The following LSAMP variants were observed in gnomAD, a reference collection of about 807,000 sequenced individuals.
The protein encoded by LSAMP is limbic system associated membrane protein.
LSAMP carries 7 observed loss-of-function variants against 38.6 expected under a neutral mutation model. The ratio of observed to expected loss-of-function variants is 0.18; its 90% CI spans 0.10 to 0.34. The LOEUF is 0.34. Ranked by LOEUF, LSAMP falls within the 10% of genes least tolerant of loss-of-function variation. LSAMP has a pLI of 1.00. For synonymous variants in LSAMP, 154 were observed against 166.8 expected, an observed-to-expected ratio of 0.92 and a Z score of 0.59; for missense variants, 313 against 420.0, an observed-to-expected ratio of 0.75 and a Z score of 2.23.
chr3:116,204,171 ATG>A (rs2046031086), intron 1 of LSAMP, among the ~76,000 whole-genome samples: 1 of 151,704 alleles, frequency 6.6e-6, no homozygotes, highest in Non-Finnish European at 1.5e-5. Context: ...GCATTTTTTC[ATG>A]TGTTTTTTGG....
chr3:116,058,031 A>C (rs1490012808), intron 2 of LSAMP, among the ~76,000 whole-genome samples: 1 of 152,004 alleles, frequency 6.6e-6, no homozygotes, highest in Non-Finnish European at 1.5e-5. Context: ...AGCATGGTAC[A>C]GTGGAAAGAA....
At chr3:116,354,286 A>G (rs1279867360) in intron 1 of LSAMP, among the ~76,000 whole-genome samples, 2 of 152,092 alleles carry the variant, frequency 1.3e-5, no homozygotes, top group African/African-American at 4.8e-5. Flanking sequence ...CCAAGGTCAG[A>G]CACTTCTATG....
intron 1 of LSAMP, among the ~76,000 whole-genome samples, chr3:116,376,399 T>G (rs2048493647): frequency 6.6e-6 from 1 of 152,064 alleles, no homozygotes; most frequent in African/African-American, 2.4e-5. Flanking sequence ...ATACCAATGC[T>G]TGACTTCTTT....
At chr3:115,912,423 C>A (rs1454655794) in intron 3 of LSAMP, among the ~76,000 whole-genome samples, 1 of 152,122 alleles carries the variant, frequency 6.6e-6, no homozygotes, top group Admixed American at 6.6e-5. Flanking sequence ...GAGGAGGGAC[C>A]CCTTGTTACT....
intron 1 of LSAMP, among the ~76,000 whole-genome samples, chr3:116,251,214 C>G (rs554095481): frequency 6.6e-6 from 1 of 152,110 alleles, no homozygotes; most frequent in Non-Finnish European, 1.5e-5. Flanking sequence ...AATTTAAGGT[C>G]GAAACATCTG....
intron 1 of LSAMP, among the ~76,000 whole-genome samples, chr3:116,248,450 G>T (rs187975479): frequency 6.6e-6 from 1 of 150,568 alleles, no homozygotes; most frequent in East Asian, 2.0e-4. Flanking sequence ...TGTCTAGCCT[G>T]GGCAATATAG....
At chr3:116,302,936 A>C (rs1227430820) in intron 1 of LSAMP, among the ~76,000 whole-genome samples, 1 of 152,238 alleles carries the variant, frequency 6.6e-6, no homozygotes, top group East Asian at 1.9e-4. Context: ...CCTATAAAAT[A>C]AATATATCCC....
intron 3 of LSAMP, among the ~76,000 whole-genome samples, chr3:115,981,446 G>C (rs776377281): frequency 6.6e-6 from 1 of 150,730 alleles, no homozygotes; most frequent in African/African-American, 2.4e-5. Flanking sequence ...TGTATCTTTT[G>C]AAAGCTACAA....
At chr3:115,986,301 G>A (rs1487715300) in intron 3 of LSAMP, among the ~76,000 whole-genome samples, 1 of 152,112 alleles carries the variant, frequency 6.6e-6, no homozygotes, top group African/African-American at 2.4e-5. Context: ...ATGCTTGAGA[G>A]CTATTTGAGT....
chr3:116,385,200 G>C (rs530914930), intron 1 of LSAMP, among the ~76,000 whole-genome samples: 6 of 152,072 alleles, frequency 3.9e-5, no homozygotes, highest in Non-Finnish European at 8.8e-5. Context: ...ATTGAAATTA[G>C]GGAGAATTGA....
At chr3:115,995,858 A>G (rs1939800963) in intron 3 of LSAMP, among the ~76,000 whole-genome samples, 1 of 151,986 alleles carries the variant, frequency 6.6e-6, no homozygotes, top group South Asian at 2.1e-4. Context: ...ATATATTAAT[A>G]TTTTCCTGAG....
At chr3:115,973,407 C>A (rs1290259535) in intron 3 of LSAMP, among the ~76,000 whole-genome samples, 1 of 151,974 alleles carries the variant, frequency 6.6e-6, no homozygotes, top group African/African-American at 2.4e-5. Flanking sequence ...AATGAGATAT[C>A]TTGGGGAGGG....
chr3:115,956,465 C>T (rs1244965841), intron 3 of LSAMP, among the ~76,000 whole-genome samples: 2 of 151,952 alleles, frequency 1.3e-5, no homozygotes. Flanking sequence ...CTATTAAATC[C>T]ACTCCTTCTG....
At chr3:116,149,066 G>A (rs1356685206) in intron 1 of LSAMP, among the ~76,000 whole-genome samples, 1 of 151,926 alleles carries the variant, frequency 6.6e-6, no homozygotes, top group East Asian at 1.9e-4. Flanking sequence ...CCTTCCACTA[G>A]TCACCAATTA....
chr3:116,261,069 C>A (rs1211585987), intron 1 of LSAMP, among the ~76,000 whole-genome samples: 1 of 152,252 alleles, frequency 6.6e-6, no homozygotes, highest in Middle Eastern at 3.4e-3. Flanking sequence ...GCCACATACA[C>A]CTTGGTATCA....
At chr3:116,030,500 A>T (rs1940893726) in intron 2 of LSAMP, among the ~76,000 whole-genome samples, 1 of 152,214 alleles carries the variant, frequency 6.6e-6, no homozygotes, top group Non-Finnish European at 1.5e-5. Flanking sequence ...GAAAGCATAC[A>T]GATGCTGATT....
chr3:115,847,065 A>G (rs1935183737), intron 4 of LSAMP, among the ~76,000 whole-genome samples: 1 of 152,168 alleles, frequency 6.6e-6, no homozygotes, highest in South Asian at 2.1e-4. Flanking sequence ...TAACGCCTAA[A>G]GTGATTGCAC....
chr3:116,278,113 T>C (rs1410463936), intron 1 of LSAMP, among the ~76,000 whole-genome samples: 1 of 152,088 alleles, frequency 6.6e-6, no homozygotes, highest in Non-Finnish European at 1.5e-5. Flanking sequence ...CCTTTGAGAG[T>C]GCTCTTATTT....
At chr3:116,312,991 T>A (rs1293643173) in intron 1 of LSAMP, among the ~76,000 whole-genome samples, 1 of 152,200 alleles carries the variant, frequency 6.6e-6, no homozygotes, top group East Asian at 1.9e-4. Flanking sequence ...ATGGTCTTAG[T>A]CAATGTTAAG....
Sources: allele counts gnomAD v4.1 joint callset (sites outside exome capture counted in the v4.1 genomes callset), GRCh38; gene constraint gnomAD v4.1.1; transcripts MANE v1.5; gene names NCBI Gene and HGNC (gene_info 2026-07-23, HGNC 2026-07-21).